Variants in MRAP2 observed in about 807,000 individuals in gnomAD.
MRAP2 encodes melanocortin 2 receptor accessory protein 2, also known as melanocortin-2 receptor accessory protein 2.
In MRAP2, 20 loss-of-function variants were observed where a neutral mutation model predicts 17.4. The observed-to-expected ratio is 1.15, with a 90% CI of 0.81 to 1.67. The LOEUF is 1.67. MRAP2 is among the 40% of genes most tolerant of loss of function. MRAP2 has a pLI of 0.00. For synonymous variants in MRAP2, 96 were observed against 88.4 expected (o/e 1.09, Z -0.48); for missense variants, 238 against 240.0 (o/e 0.99, Z 0.05).
chr6:84,062,931 T>C lies in MRAP2; in HGVS notation c.166T>C (p.Phe56Leu). The C allele has an allele frequency of 6.2e-7, 1 of 1,614,234 alleles. No homozygotes were observed. Among genetic ancestry groups the C allele is most frequent in the Non-Finnish European group, 8.5e-7 (1 of 1,180,046 alleles). Residue 56 changes from phenylalanine (F) to leucine (L), a missense_variant, in exon 3 of 4, where the codon TTC becomes CTC. Phe to Leu is a conservative substitution (Grantham distance 22). Coordinates refer to ENST00000257776, the MANE Select transcript of MRAP2 (RefSeq NM_138409.4). Reference protein sequence around the residue: ...VIGFWVGLAVFVIFMFFVLTL... With the variant: ...VIGFWVGLAVLVIFMFFVLTL... ...TGGATTTTGGGTTGGTCTTGCAGTC[T>C]TCGTGATTTTTATGTTTTTTGTGCT... is the stretch of plus-strand genomic sequence containing the variant.
intron 3 of MRAP2, chr6:84,063,463 T>G: frequency 1.0e-6 from 1 of 970,254 alleles, no homozygotes; most frequent in Non-Finnish European, 1.2e-6. Flanking sequence ...ATTAATAAAT[T>G]TAACAGAGTT....
the MRAP2 span, among the ~76,000 whole-genome samples, chr6:84,104,593 G>C: frequency 6.6e-6 from 1 of 152,210 alleles, no homozygotes; most frequent in African/African-American, 2.4e-5. Flanking sequence ...CATCGGCTGG[G>C]CGCAGTGGCT....
chr6:84,049,292 G>A (rs888675770), intron 1 of MRAP2, among the ~76,000 whole-genome samples: 2 of 152,008 alleles, frequency 1.3e-5, no homozygotes, highest in South Asian at 2.1e-4. Flanking sequence ...AGGCATGGTG[G>A]TGCACACCTG....
the MRAP2 span, chr6:84,125,268 C>T: frequency 1.9e-6 from 3 of 1,612,674 alleles, no homozygotes; most frequent in Non-Finnish European, 2.5e-6. Flanking sequence ...GGTGTGTTTG[C>T]TGTATTATCT....
the MRAP2 span, among the ~76,000 whole-genome samples, chr6:84,103,433 C>CT: frequency 0.051 from 7,732 of 152,054 alleles, 666 homozygotes; most frequent in African/African-American, 0.18. Flanking sequence ...AGCACCTGCC[C>CT]TTTTTTTGCT....
At chr6:84,063,626 A>G (rs908878933) in intron 3 of MRAP2, among the ~76,000 whole-genome samples, 4 of 152,250 alleles carry the variant, frequency 2.6e-5, no homozygotes, top group African/African-American at 7.2e-5. Context: ...GTATTTGTTC[A>G]GTAATGGCTT....
chr6:84,129,833 A>G, the MRAP2 span, among the ~76,000 whole-genome samples: 4 of 152,112 alleles, frequency 2.6e-5, no homozygotes, highest in African/African-American at 4.8e-5. Context: ...CTCTCTTCCT[A>G]TGTGACTACC....
At chr6:84,089,059 T>C in intron 3 of MRAP2, 32 bp from the exon 4 acceptor site, 1 of 1,573,614 alleles carries the variant, frequency 6.4e-7, no homozygotes, top group Non-Finnish European at 8.6e-7. Flanking sequence ...GGCTGGAGTG[T>C]AAGCAGTCTT....
chr6:84,094,601 G>T (rs183263519), downstream of MRAP2, among the ~76,000 whole-genome samples: 5 of 152,100 alleles, frequency 3.3e-5, no homozygotes, highest in Non-Finnish European at 7.3e-5. Context: ...CCAATAACAT[G>T]TTCCTCATTT....
rs187688103 is a variant in MRAP2, at chr6:84,090,316, G to A, written c.*835G>A. The A allele has an allele frequency of 6.6e-6, 1 of 152,290 alleles. No homozygotes were observed. Among genetic ancestry groups the A allele is most frequent in the East Asian group, 1.9e-4 (1 of 5,172 alleles). 9.4% of individuals were successfully genotyped at this position (152,290 alleles called of 1,614,324 possible). A position where few individuals can be genotyped will look rare whatever the true frequency, so the allele number is the denominator to read the frequency against. ...CTGGTTGTCTACCAGAATGTCAGGA[G>A]ACTCATCTTACACAGTCATGGTGGC... On this transcript the variant is annotated 3_prime_UTR_variant, in exon 4 of 4. Transcript: ENST00000257776.
At chr6:84,111,601 C>T in the MRAP2 span, among the ~76,000 whole-genome samples, 2 of 152,176 alleles carry the variant, frequency 1.3e-5, no homozygotes, top group South Asian at 4.1e-4. Context: ...TTATTTCTTT[C>T]TCTTGCCTAA....
intron 3 of MRAP2, among the ~76,000 whole-genome samples, chr6:84,081,872 C>T (rs1278689386): frequency 6.6e-6 from 1 of 152,076 alleles, no homozygotes; most frequent in Non-Finnish European, 1.5e-5. Flanking sequence ...GGTGGGTTCC[C>T]CCTGTCTTGC....
the MRAP2 span, among the ~76,000 whole-genome samples, chr6:84,115,856 C>T: frequency 6.6e-6 from 1 of 152,140 alleles, no homozygotes; most frequent in Admixed American, 6.5e-5. Context: ...CTTTGTGCTT[C>T]TTGGGTGAGG....
chr6:84,067,404 G>A (rs2099495024), intron 3 of MRAP2, among the ~76,000 whole-genome samples: 1 of 152,134 alleles, frequency 6.6e-6, no homozygotes, highest in Admixed American at 6.5e-5. Flanking sequence ...CCTAGTAGTG[G>A]GATTGCTGGA....
the MRAP2 span, among the ~76,000 whole-genome samples, chr6:84,118,102 G>A: frequency 6.6e-6 from 1 of 152,160 alleles, no homozygotes; most frequent in Non-Finnish European, 1.5e-5. Context: ...CAGCAAAGGT[G>A]GCAGCCAGCC....
intron 1 of MRAP2, among the ~76,000 whole-genome samples, chr6:84,034,670 C>T (rs1443649750): frequency 6.6e-6 from 1 of 151,950 alleles, no homozygotes; most frequent in African/African-American, 2.4e-5. Context: ...AGTTTGACAA[C>T]AGTGAAACAC....
intron 3 of MRAP2, among the ~76,000 whole-genome samples, chr6:84,066,004 A>AACAC (rs10684117): frequency 0.022 from 3,077 of 142,482 alleles, 66 homozygotes; most frequent in African/African-American, 0.056. Context: ...TCTCTTTATA[A>AACAC]ACACACACAC....
chr6:84,124,013 C>A, the MRAP2 span, among the ~76,000 whole-genome samples: 8 of 152,114 alleles, frequency 5.3e-5, no homozygotes, highest in Middle Eastern at 3.4e-3. Context: ...CACTGAGATA[C>A]CATCTTATAC....
the MRAP2 span, among the ~76,000 whole-genome samples, chr6:84,142,226 A>C: frequency 6.6e-6 from 1 of 152,222 alleles, no homozygotes; most frequent in African/African-American, 2.4e-5. Context: ...ACCAGTAAAA[A>C]GTTTGGCCAG....
Sources: allele counts gnomAD v4.1 joint callset (sites outside exome capture counted in the v4.1 genomes callset), GRCh38; gene constraint gnomAD v4.1.1; transcripts MANE v1.5; gene names NCBI Gene and HGNC (gene_info 2026-07-23, HGNC 2026-07-21).